TNKS: variants seen among roughly 807,000 people sequenced by gnomAD.
TNKS encodes poly [ADP-ribose] polymerase tankyrase-1.
Under a neutral mutation model 135.8 loss-of-function variants are expected in TNKS, and 72 were observed. The ratio of observed to expected loss-of-function variants is 0.53; its 90% CI spans 0.44 to 0.64. TNKS has a LOEUF of 0.64. TNKS is among the 30% of genes least tolerant of loss of function. The pLI, the probability that TNKS is intolerant of heterozygous loss-of-function variation, is 0.00. For missense variants in TNKS, 1,769 were observed against 1,674.0 expected (o/e 1.06, Z -0.99); for synonymous variants, 849 against 649.3 (o/e 1.31, Z -4.68).
At position 9,607,429 on chromosome 8, in the gene TNKS, T is replaced by C. The variant is rs539818034; in HGVS notation, c.899-8153T>C. 1.2e-4 allele frequency among the ~76,000 whole-genome samples: 19 copies of C among 152,354 alleles called. No individual in the cohort carries two copies. In the South Asian group the frequency reaches 2.3e-3, roughly 18 times the overall value. ...ACCTTTCCAATAATTGTGGATATTC[T>C]TCTTTGATTCCACATGCAAACTGGA... On this transcript the variant is annotated intron_variant, in intron 2 of 26. Coordinates refer to ENST00000310430, the MANE Select transcript of TNKS (RefSeq NM_003747.3).
intron 2 of TNKS, among the ~76,000 whole-genome samples, chr8:9,594,102 G>T (rs898903943): frequency 3.9e-5 from 6 of 152,122 alleles, no homozygotes; most frequent in South Asian, 2.1e-4. Context: ...GGCCGGGCTG[G>T]TCTCAGACTC....
intron 3 of TNKS, among the ~76,000 whole-genome samples, chr8:9,659,735 C>T (rs1009778005): frequency 6.6e-6 from 1 of 152,082 alleles, no homozygotes; most frequent in African/African-American, 2.4e-5. Context: ...TAAGTAAGAT[C>T]AGAGCAGAAC....
At chr8:9,644,480 C>G (rs1800840190) in intron 3 of TNKS, among the ~76,000 whole-genome samples, 1 of 152,112 alleles carries the variant, frequency 6.6e-6, no homozygotes, top group South Asian at 2.1e-4. Context: ...CTTCATTGGT[C>G]AAATATCTGA....
chr8:9,765,129 A>G (rs891909927), intron 23 of TNKS, among the ~76,000 whole-genome samples: 3 of 152,218 alleles, frequency 2.0e-5, no homozygotes, highest in Non-Finnish European at 4.4e-5. Context: ...GAGTTGCATC[A>G]AAGTCCTGGA....
chr8:9,767,060 C>CAA (rs1437640231), intron 25 of TNKS, among the ~76,000 whole-genome samples: 3 of 152,322 alleles, frequency 2.0e-5, no homozygotes, highest in East Asian at 3.9e-4. Flanking sequence ...TTCTGTGGAA[C>CAA]AAAGAACTGC....
At chr8:9,564,367 A>T (rs959410200) in intron 1 of TNKS, among the ~76,000 whole-genome samples, 2 of 151,976 alleles carry the variant, frequency 1.3e-5, no homozygotes, top group Non-Finnish European at 2.9e-5. Flanking sequence ...TGTGAGCATA[A>T]ATATGTTAAA....
intron 3 of TNKS, among the ~76,000 whole-genome samples, chr8:9,665,370 G>A (rs1049073125): frequency 1.3e-5 from 2 of 152,210 alleles, no homozygotes; most frequent in African/African-American, 4.8e-5. Context: ...TCAATCATGT[G>A]ATGCTCTTCA....
chr8:9,667,812 T>A (rs1802068888), intron 3 of TNKS, among the ~76,000 whole-genome samples: 1 of 150,482 alleles, frequency 6.6e-6, no homozygotes, highest in Admixed American at 6.7e-5. Flanking sequence ...GTCTGATTAA[T>A]ATCCTTTCTC....
intron 1 of TNKS, chr8:9,566,387 A>G (rs1216354757): frequency 6.6e-6 from 1 of 152,168 alleles, no homozygotes; most frequent in African/African-American, 2.4e-5. Flanking sequence ...CAACAGAAAA[A>G]TATAACTGTT....
chr8:9,726,424 G>A (rs1805167785), intron 12 of TNKS, among the ~76,000 whole-genome samples: 1 of 152,098 alleles, frequency 6.6e-6, no homozygotes. Flanking sequence ...CATAAAAAAA[G>A]TAAACATTAA....
rs1808388538 is a variant in TNKS at position 9,779,906 on chromosome 8, C to T, written c.*3170C>T. 6.6e-6 allele frequency: 1 copy of T among 152,172 alleles called. No individual in the cohort carries two copies. The allele number at this position is 152,172 out of a possible 1,614,324, so 9.4% of individuals were successfully genotyped here. A position where few individuals can be genotyped will look rare whatever the true frequency, so the allele number is the denominator to read the frequency against. On this transcript the variant is annotated 3_prime_UTR_variant, in exon 27 of 27. Coordinates refer to ENST00000310430, the MANE Select transcript of TNKS (RefSeq NM_003747.3). Reference sequence around the variant, plus strand: ...TTTCAAGCAGCATAAGTAGAATCAACATTAGGATGTTTTCATGAAATAGCA... The same window carrying T: ...TTTCAAGCAGCATAAGTAGAATCAATATTAGGATGTTTTCATGAAATAGCA...
At chr8:9,696,471 G>C (rs180868547) in intron 5 of TNKS, among the ~76,000 whole-genome samples, 98 of 152,066 alleles carry the variant, frequency 6.4e-4, no homozygotes, top group African/African-American at 2.1e-3. Flanking sequence ...AGAAATAAAA[G>C]GCATCTGGAT....
At chr8:9,769,630 T>TTTTTTTTG (rs1563223428) in intron 25 of TNKS, among the ~76,000 whole-genome samples, 15 of 140,910 alleles carry the variant, frequency 1.1e-4, no homozygotes, top group African/African-American at 3.8e-4. Flanking sequence ...TTTTTTTTTT[T>TTTTTTTTG]TTTTTTTGAG....
chr8:9,733,657 A>G (rs1004668574), intron 15 of TNKS, among the ~76,000 whole-genome samples: 1 of 152,200 alleles, frequency 6.6e-6, no homozygotes, highest in African/African-American at 2.4e-5. Flanking sequence ...AGTCCATGTC[A>G]TAAAAATTCA....
At position 9,556,621 on chromosome 8, in the gene TNKS, C is replaced by G. The variant is rs1419465519; in HGVS notation, c.673+9C>G. ...CCTGCACTTCGCTGCAGGTCAGAGA[C>G]TTTTGAATTGTTTATTAAGGGTTAT... On this transcript the variant is annotated intron_variant, in intron 1 of 26. Transcript: ENST00000310430. 1 of 1,612,940 alleles carries G rather than the reference C, an allele frequency of 6.2e-7. No homozygotes were observed. Among genetic ancestry groups the G allele is most frequent in the South Asian group, 1.1e-5 (1 of 91,084 alleles).
chr8:9,770,966 C>G (rs911865450), intron 26 of TNKS, among the ~76,000 whole-genome samples: 4 of 151,898 alleles, frequency 2.6e-5, no homozygotes, highest in Admixed American at 6.6e-5. Context: ...AAGGGACATA[C>G]AAATATGGAA....
At chr8:9,693,682 A>G (rs958664382) in intron 5 of TNKS, among the ~76,000 whole-genome samples, 1 of 152,218 alleles carries the variant, frequency 6.6e-6, no homozygotes, top group Non-Finnish European at 1.5e-5. Context: ...AAGTTAAAAA[A>G]AATTACAAGG....
chr8:9,562,644 A>G (rs1797381098), intron 1 of TNKS, among the ~76,000 whole-genome samples: 1 of 152,158 alleles, frequency 6.6e-6, no homozygotes, highest in Admixed American at 6.5e-5. Flanking sequence ...TACCTCATTA[A>G]CTAATATTGA....
intron 1 of TNKS, chr8:9,566,476 T>G (rs1409977130): frequency 6.6e-6 from 1 of 152,162 alleles, no homozygotes; most frequent in Non-Finnish European, 1.5e-5. Context: ...AATGAATTGC[T>G]TGTTTTAGTG....
Sources: gnomAD v4.1 joint callset for allele counts (sites outside exome capture counted in the v4.1 genomes callset) on GRCh38, gnomAD v4.1.1 for gene constraint, MANE v1.5 for transcripts, NCBI Gene and HGNC (gene_info 2026-07-23, HGNC 2026-07-21) for gene names.